The following TMEM178B variants were observed in gnomAD, a reference collection of about 807,000 sequenced individuals.
TMEM178B encodes the protein transmembrane protein 178B.
In TMEM178B, 5 loss-of-function variants were observed where a neutral mutation model predicts 31.0. The observed-to-expected ratio is 0.16, with a 90% CI of 0.08 to 0.34. TMEM178B has a LOEUF of 0.34. TMEM178B is among the 10% of genes least tolerant of loss of function. TMEM178B has a pLI of 1.00. For synonymous variants in TMEM178B, 164 were observed against 164.0 expected, an observed-to-expected ratio of 1.00 and a Z score of 0.00; for missense variants, 275 against 400.3, an observed-to-expected ratio of 0.69 and a Z score of 2.67.
chr7:141,499,961 T>C, the TMEM178B span, among the ~76,000 whole-genome samples: 1 of 152,118 alleles, frequency 6.6e-6, no homozygotes, highest in Non-Finnish European at 1.5e-5. Flanking sequence ...CAATCAGAAG[T>C]AAAGTATTCA....
the TMEM178B span, among the ~76,000 whole-genome samples, chr7:141,489,013 G>T: frequency 6.6e-6 from 1 of 151,984 alleles, no homozygotes; most frequent in Non-Finnish European, 1.5e-5. Flanking sequence ...GAAGTAGGGG[G>T]CATCTGCAAT....
chr7:141,106,581 A>G (rs549050159), intron 1 of TMEM178B, among the ~76,000 whole-genome samples: 1 of 152,296 alleles, frequency 6.6e-6, no homozygotes, highest in Non-Finnish European at 1.5e-5. Context: ...GAGATACCAG[A>G]TATCTGGAGC....
chr7:141,100,960 A>G (rs1795046547), intron 1 of TMEM178B, among the ~76,000 whole-genome samples: 2 of 152,222 alleles, frequency 1.3e-5, no homozygotes. Context: ...CTGTAAAGAA[A>G]CAGATGCCGT....
chr7:141,183,207 A>G (rs1430688350), intron 1 of TMEM178B, among the ~76,000 whole-genome samples: 1 of 152,148 alleles, frequency 6.6e-6, no homozygotes, highest in Non-Finnish European at 1.5e-5. Flanking sequence ...TCCAGACCTG[A>G]ACTCTTTCAG....
chr7:141,412,211 A>G (rs926651723), intron 2 of TMEM178B, among the ~76,000 whole-genome samples: 1 of 152,220 alleles, frequency 6.6e-6, no homozygotes, highest in Non-Finnish European at 1.5e-5. Context: ...TTAAATGGAG[A>G]GTCCTTAGAA....
intron 2 of TMEM178B, among the ~76,000 whole-genome samples, chr7:141,374,194 G>A (rs1800169811): frequency 6.6e-6 from 1 of 152,080 alleles, no homozygotes. Context: ...ACTGAGGTGG[G>A]GCTTCATACA....
chr7:141,110,407 G>T (rs1048011904), intron 1 of TMEM178B, among the ~76,000 whole-genome samples: 9 of 152,210 alleles, frequency 5.9e-5, no homozygotes, highest in African/African-American at 7.2e-5. Flanking sequence ...GATTCAAATT[G>T]TGCTACTTCC....
At chr7:141,373,742 CCCA>C (rs2116574094) in intron 2 of TMEM178B, among the ~76,000 whole-genome samples, 1 of 152,300 alleles carries the variant, frequency 6.6e-6, no homozygotes, top group East Asian at 1.9e-4. Flanking sequence ...GCCAACATTG[CCCA>C]TAGCTGGGTG....
chr7:141,220,311 AAAT>A (rs143440134), intron 2 of TMEM178B, among the ~76,000 whole-genome samples: 6,872 of 140,454 alleles, frequency 0.049, 200 homozygotes, highest in Non-Finnish European at 0.06. Flanking sequence ...ACTCCATCTC[AAAT>A]AATAATAATA....
At chr7:141,493,514 C>T in the TMEM178B span, among the ~76,000 whole-genome samples, 4 of 152,150 alleles carry the variant, frequency 2.6e-5, no homozygotes, top group Non-Finnish European at 5.9e-5. Context: ...GCATCCCTAG[C>T]AGCTGGAGCC....
chr7:141,452,433 G>A (rs931952319), intron 3 of TMEM178B, among the ~76,000 whole-genome samples: 4 of 152,088 alleles, frequency 2.6e-5, no homozygotes, highest in African/African-American at 9.7e-5. Context: ...TTGCAGATTG[G>A]TCTATTACCT....
In TMEM178B at chr7:141,112,471, C is replaced by T. The variant is rs541208721; in HGVS notation, c.382+37779C>T. Among the ~76,000 whole-genome samples the T allele has an allele frequency of 1.2e-4, 18 of 152,270 alleles. No homozygotes were observed. The Middle Eastern group carries it at 0.01, about 86-fold the overall frequency. ...GTCTTGCTAGGTGGCTCAGGTTGGT[C>T]TCAAACTTGTGGACTCAAGTGATCC... On this transcript the variant is annotated intron_variant, in intron 1 of 3. Coordinates refer to ENST00000565468, the MANE Select transcript of TMEM178B (RefSeq NM_001195278.2).
intron 2 of TMEM178B, among the ~76,000 whole-genome samples, chr7:141,376,583 T>A (rs1800218080): frequency 1.3e-5 from 2 of 152,210 alleles, no homozygotes; most frequent in Non-Finnish European, 2.9e-5. Context: ...TTTAGATAGA[T>A]ATTTCAGTGT....
chr7:141,397,973 AG>A (rs1183564448), intron 2 of TMEM178B, among the ~76,000 whole-genome samples: 1 of 152,136 alleles, frequency 6.6e-6, no homozygotes, highest in Middle Eastern at 3.2e-3. Context: ...GAAAATGGGA[AG>A]GGGTCCAACT....
chr7:141,361,237 G>C (rs532561561), intron 2 of TMEM178B, among the ~76,000 whole-genome samples: 3 of 152,252 alleles, frequency 2.0e-5, no homozygotes, highest in Non-Finnish European at 4.4e-5. Flanking sequence ...TGTATCAGAA[G>C]CAAGTATCAC....
At chr7:141,200,543 A>G (rs1796859443) in intron 1 of TMEM178B, among the ~76,000 whole-genome samples, 1 of 152,202 alleles carries the variant, frequency 6.6e-6, no homozygotes, top group African/African-American at 2.4e-5. Context: ...AATATGGACA[A>G]GCAGCCCAGT....
intron 1 of TMEM178B, among the ~76,000 whole-genome samples, chr7:141,194,527 A>G (rs1392207240): frequency 6.6e-6 from 1 of 152,168 alleles, no homozygotes; most frequent in Non-Finnish European, 1.5e-5. Context: ...GTGGGTTCCC[A>G]TGGATTTGGG....
At chr7:141,260,738 A>G (rs1263866244) in intron 2 of TMEM178B, among the ~76,000 whole-genome samples, 1 of 152,176 alleles carries the variant, frequency 6.6e-6, no homozygotes, top group African/African-American at 2.4e-5. Flanking sequence ...AAAAAACATT[A>G]TTTTCAAATT....
chr7:141,104,444 T>C (rs1175857649), intron 1 of TMEM178B, among the ~76,000 whole-genome samples: 1 of 152,222 alleles, frequency 6.6e-6, no homozygotes, highest in Non-Finnish European at 1.5e-5. Flanking sequence ...CGGGATTCTT[T>C]CTAGGGCTAA....
Sources: gnomAD v4.1 joint callset for allele counts (sites outside exome capture counted in the v4.1 genomes callset) on GRCh38, gnomAD v4.1.1 for gene constraint, MANE v1.5 for transcripts, NCBI Gene and HGNC (gene_info 2026-07-23, HGNC 2026-07-21) for gene names.